The following CYP20A1 variants were observed in gnomAD, a reference collection of about 807,000 sequenced individuals.
CYP20A1 encodes the protein cytochrome P450 family 20 subfamily A member 1.
CYP20A1 carries 61 observed loss-of-function variants against 61.4 expected under a neutral mutation model. The ratio of observed to expected loss-of-function variants is 0.99; its 90% CI spans 0.81 to 1.23. CYP20A1 has a LOEUF of 1.23. Among genes scored for constraint, CYP20A1 ranks in the 50% most tolerant of loss-of-function variants. The pLI, the probability that CYP20A1 is intolerant of heterozygous loss-of-function variation, is 0.00. For missense variants in CYP20A1, 530 were observed against 542.4 expected, an observed-to-expected ratio of 0.98 and a Z score of 0.23; for synonymous variants, 193 against 188.2, an observed-to-expected ratio of 1.03 and a Z score of -0.21.
At chr2:203,250,365 TG>T (rs964080883) in intron 3 of CYP20A1, among the ~76,000 whole-genome samples, 2 of 152,224 alleles carry the variant, frequency 1.3e-5, no homozygotes, top group Non-Finnish European at 2.9e-5. Context: ...GAAGGTATTA[TG>T]GTTATCCCTT....
chr2:203,289,827 A>G lies in CYP20A1; in HGVS notation c.1034A>G (p.Gln345Arg), dbSNP rs2152108576. The G allele has an allele frequency of 1.2e-6, 2 of 1,602,430 alleles. No homozygotes were observed. Among genetic ancestry groups the G allele is most frequent in the East Asian group, 4.5e-5 (2 of 44,358 alleles). The change falls in exon 10 of 13, where the codon CAG (glutamine) becomes CGG (arginine). Residue 345 changes from glutamine (Q) to arginine (R), a missense_variant. Physicochemically the swap from Gln to Arg is conservative, Grantham distance 43. Coordinates refer to ENST00000356079, the MANE Select transcript of CYP20A1 (RefSeq NM_177538.3). ...GCCAAACTGACTCCAGTTTCTGCCCAGCTTCAAGATATTGAAGGAAAAATT... is the reference window on the plus strand; with the variant it reads ...GCCAAACTGACTCCAGTTTCTGCCCGGCTTCAAGATATTGAAGGAAAAATT... ...RTAKLTPVSA[Q>R]LQDIEGKIDR...
At chr2:203,269,019 T>C (rs1478144873) in intron 5 of CYP20A1, among the ~76,000 whole-genome samples, 1 of 152,210 alleles carries the variant, frequency 6.6e-6, no homozygotes, top group Non-Finnish European at 1.5e-5. Context: ...AACATACATC[T>C]TTCCTTCAGT....
rs141031266 is a variant in CYP20A1 at position 203,305,028 on chromosome 2, A to G, written c.*8120A>G. ...GCTTTTTTAAAGGGAATAGACTTATAGATCAATTTTAATATTTGACTTATA... is the reference window on the plus strand; with the variant it reads ...GCTTTTTTAAAGGGAATAGACTTATGGATCAATTTTAATATTTGACTTATA... On this transcript the variant is annotated 3_prime_UTR_variant, in exon 13 of 13. Transcript: ENST00000356079. Among the ~76,000 whole-genome samples the G allele has an allele frequency of 1.6e-4, 25 of 152,284 alleles. No individual in the cohort carries two copies. Among genetic ancestry groups the G allele is most frequent in the Admixed American group, 4.6e-4 (7 of 15,282 alleles).
intron 1 of CYP20A1, among the ~76,000 whole-genome samples, chr2:203,244,934 G>T (rs1429494086): frequency 6.6e-6 from 1 of 151,344 alleles, no homozygotes; most frequent in African/African-American, 2.4e-5. Flanking sequence ...GGGTTTCACC[G>T]TGTTAGCCAG....
intron 3 of CYP20A1, among the ~76,000 whole-genome samples, chr2:203,248,365 C>G (rs1328027329): frequency 6.6e-6 from 1 of 152,052 alleles, no homozygotes; most frequent in African/African-American, 2.4e-5. Context: ...AAAACCCTGT[C>G]GCTACTAAAA....
intron 8 of CYP20A1, among the ~76,000 whole-genome samples, chr2:203,283,211 A>ATT (rs371972851): frequency 0.024 from 2,014 of 83,356 alleles, 67 homozygotes; most frequent in Admixed American, 0.046. Context: ...CAATGTGAGA[A>ATT]TTTTTTTTTT....
chr2:203,282,352 ATTTG>A (rs2068078255), intron 8 of CYP20A1, among the ~76,000 whole-genome samples: 1 of 151,906 alleles, frequency 6.6e-6, no homozygotes, highest in Non-Finnish European at 1.5e-5. Flanking sequence ...AAAAATGCCT[ATTTG>A]TTTGGTCCAG....
chr2:203,247,165 G>A (rs1026381478), intron 3 of CYP20A1, among the ~76,000 whole-genome samples: 1 of 152,114 alleles, frequency 6.6e-6, no homozygotes, highest in Non-Finnish European at 1.5e-5. Context: ...GGAAGCTGAG[G>A]CATGAGAATC....
chr2:203,245,901 T>A lies in CYP20A1; in HGVS notation c.122+6T>A. 6.4e-7 allele frequency: 1 copy of A among 1,573,092 alleles called. No individual in the cohort carries two copies. Among genetic ancestry groups the A allele is most frequent in the Non-Finnish European group, 8.7e-7 (1 of 1,147,468 alleles). On this transcript the variant is annotated splice_donor_region_variant and intron_variant, in intron 2 of 12. Transcript: ENST00000356079. Reference sequence around the variant, plus strand: ...ATTACTCCAACTGAAGAAAAGTGAGTAATTATTTTCTTGGAATTAAGTAGA... The same window carrying A: ...ATTACTCCAACTGAAGAAAAGTGAGAAATTATTTTCTTGGAATTAAGTAGA...
rs903051818 is a variant in CYP20A1 at position 203,303,190 on chromosome 2, A to G, written c.*6282A>G. Reference sequence around the variant, plus strand: ...TAATTTTTGTATTTTTTTTTAGTAGAGACAGGGTTTCACCATGTTGGCCAG... The same window carrying G: ...TAATTTTTGTATTTTTTTTTAGTAGGGACAGGGTTTCACCATGTTGGCCAG... On this transcript the variant is annotated 3_prime_UTR_variant, in exon 13 of 13. Transcript: ENST00000356079. Among the ~76,000 whole-genome samples, 26 of 151,160 alleles carry G rather than the reference A, an allele frequency of 1.7e-4. No homozygotes were observed. The highest frequency in any genetic ancestry group is 6.3e-4 in the African/African-American group (26 of 41,086).
chr2:203,283,152 G>A (rs1282685761), intron 8 of CYP20A1, among the ~76,000 whole-genome samples: 2 of 151,046 alleles, frequency 1.3e-5, no homozygotes, highest in Non-Finnish European at 2.9e-5. Context: ...ACTCCAGCCT[G>A]GGTGACAGAG....
intron 5 of CYP20A1, among the ~76,000 whole-genome samples, chr2:203,269,279 ATTTTT>A (rs528970568): frequency 7.1e-4 from 89 of 125,290 alleles, no homozygotes; most frequent in African/African-American, 2.5e-3. Flanking sequence ...CCTGTCTCCA[ATTTTT>A]TTTTTTTTTT....
chr2:203,246,028 G>A lies in CYP20A1; in HGVS notation c.122+133G>A, dbSNP rs554826649. On this transcript the variant is annotated intron_variant, in intron 2 of 12. Transcript: ENST00000356079. Reference sequence around the variant, plus strand: ...AGGTTGAGGTGGAAGATCGCTTGAGGCCAGGAGTTTAATGCTTCAGTGAGC... The same window carrying A: ...AGGTTGAGGTGGAAGATCGCTTGAGACCAGGAGTTTAATGCTTCAGTGAGC... 1.3e-5 allele frequency: 8 copies of A among 597,968 alleles called. No homozygotes were observed. In the Admixed American group the frequency reaches 1.6e-4, roughly 12 times the overall value. 37.0% of individuals were successfully genotyped at this position (597,968 alleles called of 1,614,324 possible).
chr2:203,247,646 C>G (rs2066508551), intron 3 of CYP20A1, among the ~76,000 whole-genome samples: 3 of 151,992 alleles, frequency 2.0e-5, no homozygotes, highest in Admixed American at 1.3e-4. Context: ...ATCATGAGGT[C>G]AGGAGATCGA....
chr2:203,278,755 C>T (rs1184682982), intron 7 of CYP20A1, 67 bp downstream of exon 7: 2 of 810,022 alleles, frequency 2.5e-6, no homozygotes, highest in African/African-American at 1.8e-5. Context: ...TGGCTCATGA[C>T]TGTAGTCCCA....
chr2:203,285,508 A>G (rs1575256332), intron 8 of CYP20A1, 104 bp from the exon 9 acceptor site: 1 of 1,310,778 alleles, frequency 7.6e-7, no homozygotes, highest in Non-Finnish European at 1.0e-6. Flanking sequence ...GGAGAAAAAA[A>G]GCAAATACAA....
chr2:203,251,402 G>A (rs190770527), intron 3 of CYP20A1, among the ~76,000 whole-genome samples: 113 of 151,920 alleles, frequency 7.4e-4, no homozygotes, highest in Middle Eastern at 3.4e-3. Flanking sequence ...CTGTATTAAT[G>A]ACTTAACAGT....
At chr2:203,272,780 C>CA in intron 6 of CYP20A1, 32 bp downstream of exon 6, 1 of 1,316,556 alleles carries the variant, frequency 7.6e-7, no homozygotes, top group Non-Finnish European at 1.1e-6. Flanking sequence ...TTAGTGAGGA[C>CA]AAAAAATAAA....
At chr2:203,261,411 A>G (rs975212030) in intron 4 of CYP20A1, among the ~76,000 whole-genome samples, 1 of 150,578 alleles carries the variant, frequency 6.6e-6, no homozygotes, top group East Asian at 2.0e-4. Context: ...AAATTTAAAA[A>G]TATATATTAG....
Sources: gnomAD v4.1 joint callset for allele counts (sites outside exome capture counted in the v4.1 genomes callset) on GRCh38, gnomAD v4.1.1 for gene constraint, MANE v1.5 for transcripts, NCBI Gene and HGNC (gene_info 2026-07-23, HGNC 2026-07-21) for gene names.